Variants in DHX35 observed in about 807,000 individuals in gnomAD.
DHX35 encodes DEAH-box helicase 35.
DHX35 carries 84 observed loss-of-function variants against 99.6 expected under a neutral mutation model. The ratio of observed to expected loss-of-function variants is 0.84; its 90% CI spans 0.71 to 1.01. DHX35 has a LOEUF of 1.01. DHX35 is among the 50% of genes least tolerant of loss of function. The probability of loss-of-function intolerance (pLI) is 0.00; values close to 1 mark genes in which losing one functional copy is unlikely to be tolerated. For missense variants in DHX35, 852 were observed against 888.5 expected, an observed-to-expected ratio of 0.96 and a Z score of 0.52; for synonymous variants, 331 against 316.2, an observed-to-expected ratio of 1.05 and a Z score of -0.50.
chr20:39,002,617 A>G (rs1217474139), intron 9 of DHX35, among the ~76,000 whole-genome samples, 155 bp from the exon 10 acceptor site: 1 of 152,236 alleles, frequency 6.6e-6, no homozygotes, highest in Non-Finnish European at 1.5e-5. Flanking sequence ...TTAGATTTGA[A>G]AAAAATGAAT....
At chr20:38,985,956 A>G (rs894336670) in intron 4 of DHX35, among the ~76,000 whole-genome samples, 1 of 152,230 alleles carries the variant, frequency 6.6e-6, no homozygotes, top group Non-Finnish European at 1.5e-5. Context: ...GTGAGAGGCA[A>G]TTAGTAGTGA....
At chr20:39,017,380 G>A (rs1362959569) in intron 14 of DHX35, among the ~76,000 whole-genome samples, 1 of 152,100 alleles carries the variant, frequency 6.6e-6, no homozygotes, top group Non-Finnish European at 1.5e-5. Flanking sequence ...TCTCAAGCAT[G>A]TAATGGGAAC....
intron 19 of DHX35, 39 bp downstream of exon 19, chr20:39,028,538 A>G: frequency 6.3e-7 from 1 of 1,595,164 alleles, no homozygotes; most frequent in Non-Finnish European, 8.6e-7. Context: ...TTAAAGGAAC[A>G]ATCTTACAAA....
chr20:39,006,697 C>T (rs1397774311), intron 12 of DHX35, among the ~76,000 whole-genome samples: 1 of 152,188 alleles, frequency 6.6e-6, no homozygotes, highest in Non-Finnish European at 1.5e-5. Flanking sequence ...ACTTAATGTG[C>T]TGTTTTTGTA....
intron 2 of DHX35, among the ~76,000 whole-genome samples, chr20:38,972,202 G>T (rs777794351): frequency 4.6e-5 from 7 of 151,954 alleles, no homozygotes; most frequent in Non-Finnish European, 1.0e-4. Context: ...TAGAGACAGG[G>T]TTTCACCATG....
At position 39,006,133 on chromosome 20, in the gene DHX35, G is replaced by C. The variant is rs1250668501; in HGVS notation, c.1012-13G>C. 4 of 1,604,370 alleles carry C rather than the reference G, an allele frequency of 2.5e-6. No homozygotes were observed. Among genetic ancestry groups the C allele is most frequent in the Non-Finnish European group, 3.4e-6 (4 of 1,171,940 alleles). ...TAAAATGAGTTTTATTCTTCTTTCT[G>C]TGGGGAACGTAGGTGATAGTGGCCA... On this transcript the variant is annotated splice_polypyrimidine_tract_variant and intron_variant, in intron 11 of 21. Coordinates refer to ENST00000252011, the MANE Select transcript of DHX35 (RefSeq NM_021931.4).
At chr20:38,967,875 G>A (rs1373975598) in intron 1 of DHX35, among the ~76,000 whole-genome samples, 2 of 152,062 alleles carry the variant, frequency 1.3e-5, no homozygotes, top group African/African-American at 4.8e-5. Context: ...ATTGGGGTGG[G>A]GATTGGACCT....
intron 2 of DHX35, among the ~76,000 whole-genome samples, 155 bp downstream of exon 2, chr20:38,969,369 T>G (rs1227888780): frequency 5.3e-5 from 8 of 152,248 alleles, no homozygotes; most frequent in Admixed American, 2.0e-4. Flanking sequence ...CTGTGTATTT[T>G]TTAGTTAACC....
chr20:38,992,686 T>C (rs138335903), intron 7 of DHX35, among the ~76,000 whole-genome samples: 3 of 152,238 alleles, frequency 2.0e-5, no homozygotes, highest in Non-Finnish European at 4.4e-5. Flanking sequence ...GAATTATATA[T>C]ACTAATTTGT....
In DHX35 at chr20:38,981,563, T is replaced by C. The variant is rs548005200; in HGVS notation, c.268-2136T>C. Among the ~76,000 whole-genome samples, 29 of 152,330 alleles carry C rather than the reference T, an allele frequency of 1.9e-4. No homozygotes were observed. In the East Asian group the frequency reaches 5.4e-3, roughly 28 times the overall value. On this transcript the variant is annotated intron_variant, in intron 3 of 21. Coordinates refer to ENST00000252011, the MANE Select transcript of DHX35 (RefSeq NM_021931.4). ...CATTTTTTTGACCGCTTCCTTACTT[T>C]CTAGTACTACAAGATGTTTCAGGCT...
In DHX35 at chr20:38,992,339, T is replaced by C. The variant is rs773834258; in HGVS notation, c.513-17T>C. 6 of 1,612,328 alleles carry C rather than the reference T, an allele frequency of 3.7e-6. No homozygotes were observed. The East Asian group carries it at 8.9e-5, about 24-fold the overall frequency. ...GCTTTTTTAGAGGCTCACTGAGAGC[T>C]TCTCTTTGATTCTTAGTGTCATCAT... On this transcript the variant is annotated splice_polypyrimidine_tract_variant and intron_variant, in intron 6 of 21. Transcript: ENST00000252011.
At chr20:39,006,045 T>G (rs1308018630) in intron 11 of DHX35, 101 bp from the exon 12 acceptor site, 4 of 1,348,588 alleles carry the variant, frequency 3.0e-6, no homozygotes, top group Non-Finnish European at 4.1e-6. Flanking sequence ...TCTCACAGAT[T>G]CTGCAATGTT....
At chr20:39,031,732 A>C (rs2087057647) in intron 20 of DHX35, among the ~76,000 whole-genome samples, 1 of 152,248 alleles carries the variant, frequency 6.6e-6, no homozygotes, top group African/African-American at 2.4e-5. Flanking sequence ...GGCTCAGCAC[A>C]TCATGTGCCA....
intron 1 of DHX35, among the ~76,000 whole-genome samples, chr20:38,965,186 A>G (rs1372173987): frequency 6.6e-6 from 1 of 152,252 alleles, no homozygotes; most frequent in African/African-American, 2.4e-5. Flanking sequence ...ATTAGTTGAC[A>G]TGGGAATAGC....
At chr20:39,034,841 C>G (rs1389026849) in intron 21 of DHX35, among the ~76,000 whole-genome samples, 3 of 149,620 alleles carry the variant, frequency 2.0e-5, no homozygotes, top group Non-Finnish European at 4.4e-5. Context: ...TGGTTACAAA[C>G]TCCTGGCCTC....
At chr20:38,974,659 T>C (rs745742501) in intron 3 of DHX35, among the ~76,000 whole-genome samples, 5 of 152,116 alleles carry the variant, frequency 3.3e-5, no homozygotes, top group Admixed American at 2.6e-4. Context: ...GGTGTGGACA[T>C]AGGGATTGAA....
At position 38,969,130 on chromosome 20, in the gene DHX35, T is replaced by C. The variant is rs1156893241; in HGVS notation, c.90T>C (p.Ala30=). Residue 30 remains alanine (A), a synonymous_variant, in exon 2 of 22, where the codon GCT becomes GCC. Transcript: ENST00000252011. Reference sequence around the variant, plus strand: ...TCTCTGAAGAGAGACAAAGTCTGGCTGAAAACTCTGGGACAACGGTTGTTT... The same window carrying C: ...TCTCTGAAGAGAGACAAAGTCTGGCCGAAAACTCTGGGACAACGGTTGTTT... The part of the protein sequence containing the change: ...VSISEERQSL[A]ENSGTTVVYN... The C allele has an allele frequency of 1.4e-5, 23 of 1,613,794 alleles. No homozygotes were observed. Among genetic ancestry groups the C allele is most frequent in the Non-Finnish European group, 1.9e-5 (23 of 1,179,814 alleles).
intron 14 of DHX35, among the ~76,000 whole-genome samples, chr20:39,017,053 C>T (rs960896381): frequency 6.6e-6 from 1 of 151,822 alleles, no homozygotes; most frequent in East Asian, 1.9e-4. Context: ...TTGTGTGGTT[C>T]CATTTATCTG....
intron 17 of DHX35, 152 bp from the exon 18 acceptor site, chr20:39,025,078 T>C: frequency 1.2e-6 from 1 of 840,914 alleles, no homozygotes. Context: ...ACATCTGTTT[T>C]GAGAGATGGG....
Sources: allele counts gnomAD v4.1 joint callset (sites outside exome capture counted in the v4.1 genomes callset), GRCh38; gene constraint gnomAD v4.1.1; transcripts MANE v1.5; gene names NCBI Gene and HGNC (gene_info 2026-07-23, HGNC 2026-07-21).